The following NAALADL2 variants were observed in gnomAD, a reference collection of about 807,000 sequenced individuals.
The protein encoded by NAALADL2 is N-acetylated alpha-linked acidic dipeptidase like 2, also known as inactive N-acetylated-alpha-linked acidic dipeptidase-like protein 2.
In NAALADL2, 76 loss-of-function variants were observed where a neutral mutation model predicts 87.2. That is an observed-to-expected ratio of 0.87 (90% CI 0.72 to 1.05). The LOEUF (loss-of-function observed/expected upper bound fraction) is 1.05. NAALADL2 is among the 50% of genes least tolerant of loss of function. NAALADL2 has a pLI of 0.00. For synonymous variants in NAALADL2, 354 were observed against 331.0 expected, an observed-to-expected ratio of 1.07 and a Z score of -0.75; for missense variants, 1,089 against 945.8, an observed-to-expected ratio of 1.15 and a Z score of -1.99.
At chr3:174,473,849 A>G (rs2108315877) in intron 1 of NAALADL2, among the ~76,000 whole-genome samples, 1 of 152,308 alleles carries the variant, frequency 6.6e-6, no homozygotes, top group Admixed American at 6.5e-5. Flanking sequence ...ATGAAGAAAT[A>G]CCCAGGACTG....
intron 2 of NAALADL2, among the ~76,000 whole-genome samples, chr3:175,192,194 C>A (rs1738309404): frequency 6.6e-6 from 1 of 151,950 alleles, no homozygotes; most frequent in Non-Finnish European, 1.5e-5. Context: ...TGTGGCAAGA[C>A]AAATTTTAGA....
chr3:174,588,971 A>G (rs1578240857), intron 2 of NAALADL2, among the ~76,000 whole-genome samples: 1 of 149,684 alleles, frequency 6.7e-6, no homozygotes, highest in Admixed American at 6.6e-5. Flanking sequence ...CCCTGCCCCC[A>G]GAGGTGGAGT....
At chr3:174,684,982 T>G (rs1318482430) in intron 2 of NAALADL2, among the ~76,000 whole-genome samples, 1 of 152,124 alleles carries the variant, frequency 6.6e-6, no homozygotes, top group East Asian at 1.9e-4. Flanking sequence ...CTCTCATCTC[T>G]TTACCTTTTA....
chr3:175,688,964 A>G (rs1292949307), intron 11 of NAALADL2, among the ~76,000 whole-genome samples: 1 of 152,176 alleles, frequency 6.6e-6, no homozygotes, highest in African/African-American at 2.4e-5. Context: ...CAAGGTGTGC[A>G]GTTTTCTCCC....
At chr3:174,960,622 T>G (rs1385842019) in intron 1 of NAALADL2, among the ~76,000 whole-genome samples, 2 of 152,218 alleles carry the variant, frequency 1.3e-5, no homozygotes, top group South Asian at 2.1e-4. Flanking sequence ...ATAGCTTTTT[T>G]GGGATAATAT....
chr3:174,802,009 A>G (rs1031698593), intron 3 of NAALADL2, among the ~76,000 whole-genome samples: 2 of 152,064 alleles, frequency 1.3e-5, no homozygotes, highest in Non-Finnish European at 2.9e-5. Flanking sequence ...ATTTTTACCC[A>G]CATTTTAAAA....
At chr3:175,491,067 A>G (rs17535609) in intron 9 of NAALADL2, among the ~76,000 whole-genome samples, 11,619 of 151,716 alleles carry the variant, frequency 0.077, 573 homozygotes, top group South Asian at 0.12. Context: ...CAGCATTCAG[A>G]TAAGTCTGTC....
chr3:175,411,372 T>C (rs1011792865), intron 5 of NAALADL2, among the ~76,000 whole-genome samples: 8 of 152,166 alleles, frequency 5.3e-5, no homozygotes, highest in South Asian at 2.1e-4. Context: ...AAGTAGTATG[T>C]ATGTTAGAAA....
chr3:175,293,036 CAAAAAAAA>C (rs568981496), intron 4 of NAALADL2, among the ~76,000 whole-genome samples: 598 of 49,396 alleles, frequency 0.012, 7 homozygotes, highest in African/African-American at 0.037. Context: ...GACTCCGTCT[CAAAAAAAA>C]AAAAAAAAAA....
chr3:175,240,502 A>C (rs1338143989), intron 3 of NAALADL2, among the ~76,000 whole-genome samples: 1 of 152,230 alleles, frequency 6.6e-6, no homozygotes, highest in Non-Finnish European at 1.5e-5. Flanking sequence ...AGCTATATGC[A>C]TTTGGCTCTG....
chr3:174,559,525 C>T (rs555977233), intron 2 of NAALADL2, among the ~76,000 whole-genome samples: 28 of 152,284 alleles, frequency 1.8e-4, no homozygotes, highest in Admixed American at 9.8e-4. Context: ...TTAGCCTCCA[C>T]GCTGTGCCTT....
chr3:174,737,122 C>A (rs1045332508), intron 2 of NAALADL2, among the ~76,000 whole-genome samples: 1 of 152,210 alleles, frequency 6.6e-6, no homozygotes, highest in African/African-American at 2.4e-5. Context: ...GGGCATGCAG[C>A]CCTAGCCACG....
intron 1 of NAALADL2, chr3:174,513,527 A>G (rs1225587666): frequency 1.3e-5 from 2 of 152,098 alleles, no homozygotes; most frequent in African/African-American, 4.8e-5. Context: ...GATCCACTGG[A>G]CTCTTATTTC....
intron 9 of NAALADL2, among the ~76,000 whole-genome samples, chr3:175,539,443 C>T (rs1711899240): frequency 6.6e-6 from 1 of 152,122 alleles, no homozygotes; most frequent in African/African-American, 2.4e-5. Flanking sequence ...TATTGTACAA[C>T]ATTGTGTAAA....
intron 2 of NAALADL2, among the ~76,000 whole-genome samples, chr3:174,600,890 C>T (rs1218879627): frequency 6.6e-6 from 1 of 152,084 alleles, no homozygotes; most frequent in Non-Finnish European, 1.5e-5. Context: ...GCCCCATCTC[C>T]AACACTGGAT....
At chr3:175,711,720 G>A (rs1197047265) in intron 11 of NAALADL2, among the ~76,000 whole-genome samples, 2 of 151,762 alleles carry the variant, frequency 1.3e-5, no homozygotes, top group Non-Finnish European at 2.9e-5. Flanking sequence ...GATTATTCTT[G>A]TTGCTGTTTT....
intron 3 of NAALADL2, among the ~76,000 whole-genome samples, chr3:174,837,841 C>A (rs945578918): frequency 6.6e-6 from 1 of 151,270 alleles, no homozygotes; most frequent in Non-Finnish European, 1.5e-5. Flanking sequence ...ATTACCAACA[C>A]AAAGAAGTCC....
At chr3:175,329,011 C>G (rs1420916829) in intron 5 of NAALADL2, among the ~76,000 whole-genome samples, 1 of 152,122 alleles carries the variant, frequency 6.6e-6, no homozygotes, top group Non-Finnish European at 1.5e-5. Flanking sequence ...TCCTTTTCTT[C>G]CATCTACTTT....
At chr3:174,542,620 A>C (rs1232690579) in intron 1 of NAALADL2, among the ~76,000 whole-genome samples, 1 of 152,194 alleles carries the variant, frequency 6.6e-6, no homozygotes, top group Non-Finnish European at 1.5e-5. Context: ...ATAAGACTTC[A>C]GAGGGTGCTT....
Sources: allele counts gnomAD v4.1 joint callset (sites outside exome capture counted in the v4.1 genomes callset), GRCh38; gene constraint gnomAD v4.1.1; transcripts MANE v1.5; gene names NCBI Gene and HGNC (gene_info 2026-07-23, HGNC 2026-07-21).